The following DCLK1 variants were observed in gnomAD, a reference collection of about 807,000 sequenced individuals.
DCLK1 encodes doublecortin like kinase 1.
A neutral mutation model predicts 86.2 loss-of-function variants in DCLK1; 16 were observed. The observed-to-expected ratio is 0.19, with a 90% CI of 0.13 to 0.28. The LOEUF is 0.28. Among genes scored for constraint, DCLK1 ranks in the 10% least tolerant of loss-of-function variants. DCLK1 has a pLI of 1.00. For missense variants in DCLK1, 590 were observed against 940.2 expected (o/e 0.63, Z 4.87); for synonymous variants, 369 against 370.5 (o/e 1.00, Z 0.05).
At chr13:35,983,407 C>T (rs1342621909) in intron 3 of DCLK1, among the ~76,000 whole-genome samples, 3 of 152,172 alleles carry the variant, frequency 2.0e-5, no homozygotes, top group African/African-American at 7.2e-5. Context: ...TTTGGCCAAA[C>T]ACCTGCTGGG....
In DCLK1 at chr13:35,769,379, CTGT is replaced by C. The variant is rs2086289101; in HGVS notation, c.*5153_*5155del. 1 of 152,174 alleles carries C rather than the reference CTGT, an allele frequency of 6.6e-6. No individual in the cohort carries two copies. The highest frequency in any genetic ancestry group is 2.4e-5 in the African/African-American group (1 of 41,440). 9.4% of individuals were successfully genotyped at this position (152,174 alleles called of 1,614,324 possible). A position where few individuals can be genotyped will look rare whatever the true frequency, so the allele number is the denominator to read the frequency against. On this transcript the variant is annotated 3_prime_UTR_variant, in exon 17 of 17. Coordinates refer to ENST00000360631, the MANE Select transcript of DCLK1 (RefSeq NM_001330071.2). Reference sequence around the variant, plus strand: ...CTTTTTAGTATGTATGAGCAAAATACTGTTGAATTTCACACTCAACTAATCCTT... The same window carrying C: ...CTTTTTAGTATGTATGAGCAAAATACTGAATTTCACACTCAACTAATCCTT...
intron 3 of DCLK1, among the ~76,000 whole-genome samples, chr13:36,072,303 C>A (rs1016698679): frequency 5.3e-5 from 8 of 152,200 alleles, no homozygotes; most frequent in African/African-American, 1.9e-4. Flanking sequence ...ATTCTGCTGA[C>A]TTGATTCCTA....
At chr13:35,980,281 C>A (rs1168276492) in intron 3 of DCLK1, among the ~76,000 whole-genome samples, 1 of 152,062 alleles carries the variant, frequency 6.6e-6, no homozygotes, top group East Asian at 1.9e-4. Context: ...CATGGTGGAA[C>A]CCATCTCTGC....
chr13:36,124,701 G>A (rs1469541283), intron 2 of DCLK1, among the ~76,000 whole-genome samples: 2 of 152,294 alleles, frequency 1.3e-5, no homozygotes, highest in East Asian at 1.9e-4. Context: ...GAGTTACACG[G>A]CCTGAGCAAA....
intron 10 of DCLK1, 129 bp from the exon 11 acceptor site, chr13:35,823,004 T>G: frequency 9.0e-7 from 1 of 1,112,548 alleles, no homozygotes; most frequent in Non-Finnish European, 1.3e-6. Context: ...TAAAGGCTTT[T>G]CCTGCTACTT....
intron 4 of DCLK1, among the ~76,000 whole-genome samples, chr13:35,911,884 G>T (rs985544948): frequency 1.3e-5 from 2 of 152,170 alleles, no homozygotes; most frequent in Non-Finnish European, 2.9e-5. Flanking sequence ...AGAGAGCAGG[G>T]TGTCATAGTA....
rs1015597333 is a variant in DCLK1 at position 35,773,047 on chromosome 13, C to T, written c.*1488G>A. On this transcript the variant is annotated 3_prime_UTR_variant, in exon 17 of 17. Transcript: ENST00000360631. ...CAGAGCCCAGCAAACCTTGGGAATA[C>T]ATTTGAGTTGGGCACCTGCCTCTAA... is the stretch of plus-strand genomic sequence containing the variant. The T allele has an allele frequency of 2.6e-5, 4 of 152,148 alleles. No homozygotes were observed. The highest frequency in any genetic ancestry group is 9.7e-5 in the African/African-American group (4 of 41,432). 9.4% of individuals were successfully genotyped at this position (152,148 alleles called of 1,614,324 possible).
intron 3 of DCLK1, among the ~76,000 whole-genome samples, chr13:35,999,469 C>G (rs1426821849): frequency 2.0e-5 from 3 of 151,840 alleles, no homozygotes; most frequent in Non-Finnish European, 4.4e-5. Flanking sequence ...ACTCTTTTTT[C>G]CTTCTCTCTT....
At chr13:35,812,607 T>C (rs17052923) in intron 11 of DCLK1, among the ~76,000 whole-genome samples, 1 of 152,264 alleles carries the variant, frequency 6.6e-6, no homozygotes, top group Admixed American at 6.5e-5. Context: ...TCAGCAATGA[T>C]CACCTGGATC....
rs1271508331 is a variant in DCLK1 at position 36,003,857 on chromosome 13, T to A, written c.724-56400A>T. ...ATTTTTAAAATTTAATTACCTGCAT[T>A]TTCTGTTGCCAATTTTTCTAATAAT... On this transcript the variant is annotated intron_variant, in intron 3 of 16. Transcript: ENST00000360631. Among the ~76,000 whole-genome samples, 4 of 152,338 alleles carry A rather than the reference T, an allele frequency of 2.6e-5. No individual in the cohort carries two copies. In the East Asian group the frequency reaches 7.7e-4, roughly 29 times the overall value.
At chr13:35,914,902 T>C (rs1305643105) in intron 4 of DCLK1, among the ~76,000 whole-genome samples, 1 of 151,948 alleles carries the variant, frequency 6.6e-6, no homozygotes, top group Non-Finnish European at 1.5e-5. Flanking sequence ...CAATCAAATA[T>C]AAAGAGGAAG....
chr13:35,863,806 T>C (rs1387287891), intron 5 of DCLK1, among the ~76,000 whole-genome samples: 6 of 152,362 alleles, frequency 3.9e-5, no homozygotes, highest in African/African-American at 1.4e-4. Context: ...AGTAGTGAGC[T>C]GATTAGAATT....
At chr13:35,785,876 C>A (rs946044437) in intron 16 of DCLK1, among the ~76,000 whole-genome samples, 5 of 152,144 alleles carry the variant, frequency 3.3e-5, no homozygotes, top group African/African-American at 1.2e-4. Context: ...GTAAGGAGAG[C>A]GTGTACGTTC....
At chr13:35,787,349 C>G (rs184386426) in intron 16 of DCLK1, among the ~76,000 whole-genome samples, 1 of 151,278 alleles carries the variant, frequency 6.6e-6, no homozygotes, top group Non-Finnish European at 1.5e-5. Flanking sequence ...ATTAAGATGG[C>G]GAAAACAGCC....
At chr13:36,086,706 T>A (rs759100212) in intron 3 of DCLK1, among the ~76,000 whole-genome samples, 3 of 151,918 alleles carry the variant, frequency 2.0e-5, no homozygotes, top group Non-Finnish European at 4.4e-5. Context: ...CACTTATGAG[T>A]GAGAACATGC....
chr13:35,864,756 C>A (rs1871668446), intron 5 of DCLK1, among the ~76,000 whole-genome samples: 1 of 149,840 alleles, frequency 6.7e-6, no homozygotes, highest in Admixed American at 6.7e-5. Flanking sequence ...AGGCTCAAGA[C>A]TTCATGTCAC....
chr13:35,843,816 T>C (rs995808315), intron 6 of DCLK1, among the ~76,000 whole-genome samples: 4 of 152,228 alleles, frequency 2.6e-5, no homozygotes, highest in African/African-American at 9.6e-5. Context: ...ATCACTGTCA[T>C]ATGATTTCTG....
At chr13:36,098,209 G>A (rs6563341) in intron 3 of DCLK1, among the ~76,000 whole-genome samples, 88,379 of 152,056 alleles carry the variant, frequency 0.58, 26,064 homozygotes, top group East Asian at 0.87. Flanking sequence ...GGACAGATCC[G>A]GTCCTTTACC....
intron 3 of DCLK1, among the ~76,000 whole-genome samples, chr13:35,971,883 T>C (rs540530577): frequency 2.2e-4 from 34 of 152,342 alleles, no homozygotes; most frequent in African/African-American, 7.9e-4. Flanking sequence ...TTTATTGTTG[T>C]TGTTGTTTGC....
Sources: allele counts gnomAD v4.1 joint callset (sites outside exome capture counted in the v4.1 genomes callset), GRCh38; gene constraint gnomAD v4.1.1; transcripts MANE v1.5; gene names NCBI Gene and HGNC (gene_info 2026-07-23, HGNC 2026-07-21).